The following LLGL1 variants were observed in gnomAD, a reference collection of about 807,000 sequenced individuals.
LLGL1 encodes the protein LLGL scribble cell polarity complex component 1, also known as lethal(2) giant larvae protein homolog 1.
A neutral mutation model predicts 110.6 loss-of-function variants in LLGL1; 58 were observed. The observed-to-expected ratio is 0.52, with a 90% CI of 0.42 to 0.65. The LOEUF is 0.65. Ranked by LOEUF, LLGL1 falls within the 30% of genes least tolerant of loss-of-function variation. The pLI is 0.00. For missense variants in LLGL1, 1,229 were observed against 1,462.1 expected (o/e 0.84, Z 2.60); for synonymous variants, 674 against 607.2 (o/e 1.11, Z -1.62).
At chr17:18,237,040 A>G in intron 13 of LLGL1, 101 bp downstream of exon 13, 1 of 1,050,206 alleles carries the variant, frequency 9.5e-7, no homozygotes, top group Non-Finnish European at 1.4e-6. Context: ...GGCACAGGCA[A>G]AAGCCAAGGT....
At chr17:18,231,133 TGAG>T (rs919970645) in intron 2 of LLGL1, among the ~76,000 whole-genome samples, 3 of 152,322 alleles carry the variant, frequency 2.0e-5, no homozygotes, top group East Asian at 1.9e-4. Context: ...GAAGTGCAGA[TGAG>T]GAGACTGAGC....
Position 18,235,099 on chromosome 17 carries a change from C to G in LLGL1, c.1071C>G (p.Asp357Glu), listed in dbSNP as rs572830833. The change falls in exon 10 of 23, where the codon GAC becomes GAG. Residue 357 changes from aspartate (D) to glutamate (E), a missense_variant. Physicochemically the swap from Asp to Glu is conservative, Grantham distance 45 (BLOSUM62 2). Coordinates refer to ENST00000316843, the MANE Select transcript of LLGL1 (RefSeq NM_004140.4). Reference sequence around the variant, plus strand: ...CCCTCCGTCCCACAGAATTTGATGACCCCCAGGCCCTGGCTGTGCTGCTGG... The same window carrying G: ...CCCTCCGTCCCACAGAATTTGATGAGCCCCAGGCCCTGGCTGTGCTGCTGG... ...HSTRPEDEFD[D>E]PQALAVLLEE... The G allele has an allele frequency of 7.4e-6, 12 of 1,613,792 alleles. No homozygotes were observed. The highest frequency in any genetic ancestry group is 3.3e-4 in the Middle Eastern group (2 of 6,084).
chr17:18,242,812 G>T lies in LLGL1; in HGVS notation c.3186G>T (p.Leu1062=). Residue 1062 remains leucine, a synonymous_variant, in exon 22 of 23, where the codon CTG becomes CTT. Transcript: ENST00000316843. ...AEDEAHACAI[L]IK is the part of the protein sequence containing the mutation. ...ACGAGGCCCACGCCTGTGCCATCCT[G>T]ATCAAATGAGGTGCTGCAGGGGTGG... 1 of 1,553,758 alleles carries T rather than the reference G, an allele frequency of 6.4e-7. No homozygotes were observed. The highest frequency in any genetic ancestry group is 8.7e-7 in the Non-Finnish European group (1 of 1,148,866).
Position 18,235,203 on chromosome 17 carries a change from CCT to C in LLGL1, c.1178_1179del (p.Ser393CysfsTer60). Reference sequence around the variant, plus strand: ...GCCCCATACCTGGCCCCGCTGCACTCCTCTGCAATCACTTGCTCGGCCCACGT... The same window carrying C: ...GCCCCATACCTGGCCCCGCTGCACTCCTGCAATCACTTGCTCGGCCCACGT... On this transcript the variant is annotated frameshift_variant, in exon 10 of 23. Coordinates refer to ENST00000316843, the MANE Select transcript of LLGL1 (RefSeq NM_004140.4). LOFTEE classifies it high-confidence loss of function. 3.1e-6 allele frequency: 5 copies of C among 1,611,980 alleles called. No individual in the cohort carries two copies. The highest frequency in any genetic ancestry group is 4.2e-6 in the Non-Finnish European group (5 of 1,180,030).
At chr17:18,237,962 A>T in intron 14 of LLGL1, 105 bp from the exon 15 acceptor site, 2 of 1,407,442 alleles carry the variant, frequency 1.4e-6, no homozygotes, top group Non-Finnish European at 9.7e-7. Context: ...ACTGCGCCAG[A>T]GGGGCTGTGA....
rs746469588 is a variant in LLGL1, at chr17:18,238,158, C to A, written c.1996C>A (p.Arg666Ser). ...GAAGTCACTGCGCCAGTCTTTCCGG[C>A]GCATTCGCAAGAGTCGTGTCTCTGG... The part of the protein sequence containing the change: ...LKKSLRQSFR[R>S]IRKSRVSGKK... Residue 666 changes from arginine to serine, a missense_variant, in exon 15 of 23, where the codon CGC becomes AGC. Arg to Ser is a moderately radical substitution (Grantham distance 110, BLOSUM62 -1). Coordinates refer to ENST00000316843, the MANE Select transcript of LLGL1 (RefSeq NM_004140.4). The A allele has an allele frequency of 6.2e-7, 1 of 1,613,440 alleles. No homozygotes were observed. Among genetic ancestry groups the A allele is most frequent in the South Asian group, 1.1e-5 (1 of 91,082 alleles).
At chr17:18,239,882 T>C (rs1290185057) in intron 16 of LLGL1, among the ~76,000 whole-genome samples, 1 of 152,114 alleles carries the variant, frequency 6.6e-6, no homozygotes, top group Non-Finnish European at 1.5e-5. Flanking sequence ...GGGCATGTTT[T>C]GAGTTGTGCA....
chr17:18,239,825 C>T (rs1055697597), intron 16 of LLGL1, among the ~76,000 whole-genome samples: 1 of 151,902 alleles, frequency 6.6e-6, no homozygotes, highest in South Asian at 2.1e-4. Context: ...TCCACTGGCC[C>T]GAGAAGGCCG....
rs2047654970 is a variant in LLGL1 at position 18,234,829 on chromosome 17, C to T, written c.906-10C>T. ...TGGTTCATGGCTCGCACACCTCCCT[C>T]TGCACATAGGGGCCACTTTATCATC... On this transcript the variant is annotated splice_polypyrimidine_tract_variant and intron_variant, in intron 8 of 22. Transcript: ENST00000316843. The T allele has an allele frequency of 5.6e-6, 9 of 1,613,976 alleles. No homozygotes were observed. The highest frequency in any genetic ancestry group is 7.6e-6 in the Non-Finnish European group (9 of 1,180,012).
intron 16 of LLGL1, among the ~76,000 whole-genome samples, chr17:18,239,739 G>T (rs981112265): frequency 2.6e-5 from 4 of 151,920 alleles, no homozygotes; most frequent in African/African-American, 9.7e-5. Flanking sequence ...GCAGCTGGGG[G>T]TGGGGGGTTC....
chr17:18,234,825 C>T lies in LLGL1; in HGVS notation c.906-14C>T, dbSNP rs372560749. On this transcript the variant is annotated splice_polypyrimidine_tract_variant and intron_variant, in intron 8 of 22. Transcript: ENST00000316843. ...CAAGTGGTTCATGGCTCGCACACCT[C>T]CCTCTGCACATAGGGGCCACTTTAT... 1.7e-5 allele frequency: 28 copies of T among 1,613,154 alleles called. No individual in the cohort carries two copies. Among genetic ancestry groups the T allele is most frequent in the Non-Finnish European group, 2.3e-5 (27 of 1,179,972 alleles).
At chr17:18,237,996 A>G in intron 14 of LLGL1, 71 bp from the exon 15 acceptor site, 1 of 1,557,826 alleles carries the variant, frequency 6.4e-7, no homozygotes, top group Non-Finnish European at 8.7e-7. Flanking sequence ...GTGCCTCCAC[A>G]GGCCAGCAGG....
In LLGL1 at chr17:18,225,735, T is replaced by C; in HGVS notation, c.53T>C (p.Leu18Pro). The C allele has an allele frequency of 9.6e-7, 1 of 1,041,490 alleles. No homozygotes were observed. Among genetic ancestry groups the C allele is most frequent in the Non-Finnish European group, 1.2e-6 (1 of 856,094 alleles). 64.5% of individuals were successfully genotyped at this position (1,041,490 alleles called of 1,614,324 possible). Residue 18 changes from leucine (L) to proline (P), a missense_variant, in exon 1 of 23, where the codon CTC (leucine) becomes CCC (proline). Transcript: ENST00000316843. Reference sequence around the variant, plus strand: ...GGCGCCGACCCGCAGCGCGAGAAGCTCAAGCAGGAGCTTTTCGCCTTCAAC... The same window carrying C: ...GGCGCCGACCCGCAGCGCGAGAAGCCCAAGCAGGAGCTTTTCGCCTTCAAC... Reference protein sequence around the residue: ...RQGADPQREKLKQELFAFNKT... With the variant: ...RQGADPQREKPKQELFAFNKT...
intron 8 of LLGL1, 57 bp downstream of exon 8, chr17:18,234,760 G>A (rs1051934097): frequency 1.2e-6 from 2 of 1,613,492 alleles, no homozygotes; most frequent in African/African-American, 2.7e-5. Flanking sequence ...GGGCTGGAAG[G>A]GTGGGCTCTC....
chr17:18,230,100 G>A, intron 2 of LLGL1, 62 bp downstream of exon 2: 1 of 1,305,614 alleles, frequency 7.7e-7, no homozygotes, highest in Non-Finnish European at 1.1e-6. Context: ...AGTTCCCTGT[G>A]CTCTGGGGTC....
chr17:18,233,343 G>A (rs2047611925), intron 4 of LLGL1, among the ~76,000 whole-genome samples: 1 of 152,160 alleles, frequency 6.6e-6, no homozygotes, highest in African/African-American at 2.4e-5. Flanking sequence ...CTGGAAAAGG[G>A]GAGTACCAAC....
In LLGL1 at chr17:18,234,684, T is replaced by C. The variant is rs1275935937; in HGVS notation, c.886T>C (p.Trp296Arg). 6.2e-7 allele frequency: 1 copy of C among 1,614,092 alleles called. No individual in the cohort carries two copies. Among genetic ancestry groups the C allele is most frequent in the East Asian group, 2.2e-5 (1 of 44,872 alleles). ...CTGCAAGGCCATTAACAAGATTCTGTGGCGGAACTGTGAATCTGGGTAGGT... is the reference window on the plus strand; with the variant it reads ...CTGCAAGGCCATTAACAAGATTCTGCGGCGGAACTGTGAATCTGGGTAGGT... ...FPCKAINKIL[W>R]RNCESGGHFI... Residue 296 changes from tryptophan to arginine, a missense_variant, in exon 8 of 23, where the codon TGG (tryptophan) becomes CGG (arginine). By Grantham distance (101) the Trp-to-Arg change is moderately radical. Coordinates refer to ENST00000316843, the MANE Select transcript of LLGL1 (RefSeq NM_004140.4).
chr17:18,229,861 G>A lies in LLGL1; in HGVS notation c.82-80G>A, dbSNP rs2047529950. The stretch of plus-strand genomic sequence containing the variant: ...GTGTCAGCTGCAGACCCTGGAGGCT[G>A]CCTTGGGGTGGGCCTCAGGGTGGGC... On this transcript the variant is annotated intron_variant, in intron 1 of 22. Coordinates refer to ENST00000316843, the MANE Select transcript of LLGL1 (RefSeq NM_004140.4). 4 of 933,772 alleles carry A rather than the reference G, an allele frequency of 4.3e-6. No homozygotes were observed. The Admixed American group carries it at 6.4e-5, about 15-fold the overall frequency. The allele number at this position is 933,772 out of a possible 1,614,324, so 57.8% of individuals were successfully genotyped here. A position where few individuals can be genotyped will look rare whatever the true frequency, so the allele number is the denominator to read the frequency against.
rs370469200 is a variant in LLGL1, at chr17:18,242,009, G to C, written c.2882+10G>C. The C allele has an allele frequency of 6.2e-7, 1 of 1,606,870 alleles. No homozygotes were observed. Among genetic ancestry groups the C allele is most frequent in the Non-Finnish European group, 8.5e-7 (1 of 1,173,510 alleles). ...ATGCCACCCAGGCCAGGTGTGTGGAGGGGCAGCTCCTAGCCTGGGGGACCT... is the reference window on the plus strand; with the variant it reads ...ATGCCACCCAGGCCAGGTGTGTGGACGGGCAGCTCCTAGCCTGGGGGACCT... On this transcript the variant is annotated intron_variant, in intron 19 of 22. Transcript: ENST00000316843.
Sources: gnomAD v4.1 joint callset for allele counts (sites outside exome capture counted in the v4.1 genomes callset) on GRCh38, gnomAD v4.1.1 for gene constraint, MANE v1.5 for transcripts, NCBI Gene and HGNC (gene_info 2026-07-23, HGNC 2026-07-21) for gene names.